ACSF2: variants seen among roughly 807,000 people sequenced by gnomAD.
ACSF2 encodes the protein medium-chain acyl-CoA ligase ACSF2, mitochondrial.
A neutral mutation model predicts 79.3 loss-of-function variants in ACSF2; 52 were observed. The ratio of observed to expected loss-of-function variants is 0.66; its 90% CI spans 0.53 to 0.83. The LOEUF is 0.83. Among genes scored for constraint, ACSF2 ranks in the 40% least tolerant of loss-of-function variants. ACSF2 has a pLI of 0.00. For synonymous variants in ACSF2, 283 were observed against 312.6 expected (o/e 0.91, Z 1.00); for missense variants, 661 against 803.3 (o/e 0.82, Z 2.14).
chr17:50,443,770 A>G (rs2031107221), intron 1 of ACSF2, among the ~76,000 whole-genome samples: 1 of 152,214 alleles, frequency 6.6e-6, no homozygotes, highest in Non-Finnish European at 1.5e-5. Context: ...CCTTGCCAAC[A>G]TTCCATATAA....
At chr17:50,457,942 T>C (rs1271857333) in intron 1 of ACSF2, among the ~76,000 whole-genome samples, 1 of 152,080 alleles carries the variant, frequency 6.6e-6, no homozygotes, top group Non-Finnish European at 1.5e-5. Context: ...TGTTAAAAAT[T>C]CAGATTCTCC....
chr17:50,443,203 C>T (rs760890397), intron 1 of ACSF2, among the ~76,000 whole-genome samples: 129 of 152,206 alleles, frequency 8.5e-4, no homozygotes, highest in African/African-American at 2.9e-3. Context: ...CCACCGCGCC[C>T]GGCCAGGTTT....
intron 1 of ACSF2, among the ~76,000 whole-genome samples, chr17:50,430,462 T>TA (rs1915426308): frequency 6.6e-6 from 1 of 152,094 alleles, no homozygotes; most frequent in Admixed American, 6.5e-5. Context: ...GGTCAGGAGT[T>TA]CGAGACCAGC....
chr17:50,473,476 G>A, intron 12 of ACSF2, 189 bp from the exon 13 acceptor site: 1 of 686,336 alleles, frequency 1.5e-6, no homozygotes, highest in Non-Finnish European at 2.4e-6. Context: ...GTATTGTTTT[G>A]TTTTTGTCTA....
chr17:50,463,643 C>T lies in ACSF2; in HGVS notation c.1046+91C>T. The T allele has an allele frequency of 6.4e-7, 1 of 1,558,180 alleles. No individual in the cohort carries two copies. The highest frequency in any genetic ancestry group is 8.7e-7 in the Non-Finnish European group (1 of 1,146,566). ...TGACACCTTTCCAAGCTGCCTCCTC[C>T]CTCCAGCCAGGAGACTGAGGATGGG... On this transcript the variant is annotated intron_variant, in intron 8 of 15. Coordinates refer to ENST00000300441, the MANE Select transcript of ACSF2 (RefSeq NM_025149.6). The surrounding 1 kb of genome is among the most constrained non-coding windows in gnomAD (Gnocchi z 4.6).
chr17:50,426,546 A>G (rs1303228793), intron 1 of ACSF2, among the ~76,000 whole-genome samples, 157 bp downstream of exon 1: 1 of 152,168 alleles, frequency 6.6e-6, no homozygotes, highest in East Asian at 1.9e-4. Context: ...AGGCAATAGG[A>G]AAAGCTGGCT....
In ACSF2 at chr17:50,463,535, G is replaced by A; in HGVS notation, c.1029G>A (p.Glu343=). ...TCTTCAATGGCAAGAAGGCACTGGA[G>A]GCCATCAGCAGAGAGAGGTGGGCAC... The part of the protein sequence containing the change: ...SPIFNGKKAL[E]AISRERGTFL... Residue 343 remains glutamate, a synonymous_variant, in exon 8 of 16, where the codon GAG becomes GAA. Transcript: ENST00000300441. This position sits in a 1 kb window ranked among gnomAD's most constrained non-coding sequence, Gnocchi z 4.6. 7 of 1,614,126 alleles carry A rather than the reference G, an allele frequency of 4.3e-6. No individual in the cohort carries two copies. Among genetic ancestry groups the A allele is most frequent in the Non-Finnish European group, 5.9e-6 (7 of 1,180,030 alleles).
rs765464320 is a variant in ACSF2, at chr17:50,465,273, A to T, written c.1215+979A>T. 10 of 1,613,294 alleles carry T rather than the reference A, an allele frequency of 6.2e-6. No homozygotes were observed. In the South Asian group the frequency reaches 1.1e-4, roughly 18 times the overall value. On this transcript the variant is annotated intron_variant, in intron 10 of 15. Transcript: ENST00000300441. ...GAATCACCAAAGAGGGACATAGGGG[A>T]CCTGTTTACCTGGCCCCCACCTGTT...
chr17:50,435,469 G>A (rs1048190335), intron 1 of ACSF2, among the ~76,000 whole-genome samples: 1 of 151,646 alleles, frequency 6.6e-6, no homozygotes, highest in East Asian at 1.9e-4. Context: ...GGAGCACAGT[G>A]GTGCAACCAC....
At chr17:50,465,307 G>C in intron 10 of ACSF2, 2 of 1,614,096 alleles carry the variant, frequency 1.2e-6, no homozygotes, top group Non-Finnish European at 1.7e-6. Flanking sequence ...TTTAATGGCG[G>C]CCAGCTTTCT....
At chr17:50,442,161 C>A (rs951055836) in intron 1 of ACSF2, among the ~76,000 whole-genome samples, 2 of 151,898 alleles carry the variant, frequency 1.3e-5, no homozygotes, top group African/African-American at 4.8e-5. Flanking sequence ...AAAAATTAGC[C>A]AGGCGTGGTG....
Position 50,474,567 on chromosome 17 carries a change from C to T in ACSF2, c.*15C>T, listed in dbSNP as rs2033262318. On this transcript the variant is annotated 3_prime_UTR_variant, in exon 16 of 16. Coordinates refer to ENST00000300441, the MANE Select transcript of ACSF2 (RefSeq NM_025149.6). The surrounding 1 kb of genome is among the most constrained non-coding windows in gnomAD (Gnocchi z 4.2). ...TAAATCTGTGAATAAAGCAGCAGGC[C>T]TGTCCTGGCCGGTTGGCTTGACTCT... is the stretch of plus-strand genomic sequence containing the variant. 1 of 1,613,794 alleles carries T rather than the reference C, an allele frequency of 6.2e-7. No homozygotes were observed. The highest frequency in any genetic ancestry group is 1.3e-5 in the African/African-American group (1 of 74,950).
chr17:50,450,897 T>C (rs571041245), intron 1 of ACSF2, among the ~76,000 whole-genome samples: 3 of 152,202 alleles, frequency 2.0e-5, no homozygotes, highest in Non-Finnish European at 4.4e-5. Context: ...TTTTGGGTAT[T>C]GTGAATAGTG....
chr17:50,433,580 G>A (rs2030138042), intron 1 of ACSF2, among the ~76,000 whole-genome samples: 1 of 152,036 alleles, frequency 6.6e-6, no homozygotes, highest in Non-Finnish European at 1.5e-5. Flanking sequence ...CTTCTCCTGG[G>A]GTCTCTGTCC....
At chr17:50,460,641 C>G (rs933712581) in intron 1 of ACSF2, 36 bp from the exon 2 acceptor site, 1 of 1,580,334 alleles carries the variant, frequency 6.3e-7, no homozygotes, top group African/African-American at 1.3e-5. Flanking sequence ...GGAGACTGAT[C>G]TGGGACAGTC....
intron 1 of ACSF2, 27 bp downstream of exon 1, chr17:50,426,416 G>A: frequency 7.7e-7 from 1 of 1,299,878 alleles, no homozygotes; most frequent in African/African-American, 1.5e-5. Context: ...GGAAGAGAGG[G>A]GGCGGGGCAG....
chr17:50,468,491 T>C, intron 10 of ACSF2: 1 of 1,614,244 alleles, frequency 6.2e-7, no homozygotes, highest in Non-Finnish European at 8.5e-7. Flanking sequence ...GATGTCGTTA[T>C]GGGACAGGTA....
intron 10 of ACSF2, chr17:50,464,772 G>GGGT (rs1555611942): frequency 1.5e-5 from 5 of 329,874 alleles, no homozygotes; most frequent in African/African-American, 5.2e-5. Context: ...ATTGACTTGG[G>GGGT]GGGGGGGTCT....
At chr17:50,456,353 G>A (rs2031996293) in intron 1 of ACSF2, among the ~76,000 whole-genome samples, 1 of 152,138 alleles carries the variant, frequency 6.6e-6, no homozygotes, top group African/African-American at 2.4e-5. Context: ...GAGAAGCTGA[G>A]GTAAATCCAC....
Sources: gnomAD v4.1 joint callset for allele counts (sites outside exome capture counted in the v4.1 genomes callset) on GRCh38, gnomAD v4.1.1 for gene constraint, Gnocchi (gnomAD v3.1) non-coding constraint, MANE v1.5 for transcripts, NCBI Gene and HGNC (gene_info 2026-07-23, HGNC 2026-07-21) for gene names.